Variants in ENTREP2 observed in about 807,000 individuals in gnomAD.
The protein encoded by ENTREP2 is protein ENTREP2.
chr15:29,429,799 C>T, the ENTREP2 span, among the ~76,000 whole-genome samples: 4 of 152,316 alleles, frequency 2.6e-5, no homozygotes, highest in Admixed American at 6.5e-5. Flanking sequence ...GTGCAATGCC[C>T]GATCCGGGCC....
At chr15:29,357,700 G>C in the ENTREP2 span, among the ~76,000 whole-genome samples, 3 of 152,038 alleles carry the variant, frequency 2.0e-5, no homozygotes, top group Admixed American at 6.6e-5. Context: ...TTAGCCGGGC[G>C]TGGTGGCGGG....
At chr15:29,597,424 C>T in the ENTREP2 span, among the ~76,000 whole-genome samples, 1 of 151,868 alleles carries the variant, frequency 6.6e-6, no homozygotes, top group East Asian at 1.9e-4. Context: ...CAAAATTAGC[C>T]AGGCCTGGTA....
the ENTREP2 span, among the ~76,000 whole-genome samples, chr15:29,292,905 T>C: frequency 6.6e-6 from 1 of 152,196 alleles, no homozygotes; most frequent in African/African-American, 2.4e-5. Flanking sequence ...GCAGGCCAAA[T>C]ACATTTGCCA....
the ENTREP2 span, among the ~76,000 whole-genome samples, chr15:29,125,452 T>C: frequency 3.3e-5 from 5 of 152,124 alleles, no homozygotes; most frequent in African/African-American, 1.2e-4. Context: ...AACTGGCCAC[T>C]GCGGGCTCTG....
At chr15:29,299,513 T>A in the ENTREP2 span, among the ~76,000 whole-genome samples, 2 of 152,128 alleles carry the variant, frequency 1.3e-5, no homozygotes, top group Admixed American at 1.3e-4. Flanking sequence ...TTACTTGCTC[T>A]TCCTTCTGTC....
chr15:29,669,130 C>T, the ENTREP2 span, among the ~76,000 whole-genome samples: 65 of 152,254 alleles, frequency 4.3e-4, no homozygotes, highest in Admixed American at 2.2e-3. Context: ...TGATTGAACC[C>T]GTGAGATGGA....
chr15:29,263,939 G>A, the ENTREP2 span, among the ~76,000 whole-genome samples: 4 of 152,014 alleles, frequency 2.6e-5, no homozygotes, highest in Non-Finnish European at 4.4e-5. Context: ...TGGATCACGA[G>A]GTCAGGAGAT....
At chr15:29,376,551 AACACACACACACACACAC>A in the ENTREP2 span, 2 of 147,192 alleles carry the variant, frequency 1.4e-5, no homozygotes, top group African/African-American at 2.5e-5. Flanking sequence ...CACTATGGTA[AACACACACACACACACAC>A]ACACACACAC....
the ENTREP2 span, among the ~76,000 whole-genome samples, chr15:29,340,249 A>G: frequency 6.6e-6 from 1 of 152,250 alleles, no homozygotes; most frequent in East Asian, 1.9e-4. Flanking sequence ...TTGTAGTGGC[A>G]TGAAGAAATG....
chr15:29,252,443 T>C, the ENTREP2 span: 1 of 1,550,944 alleles, frequency 6.4e-7, no homozygotes, highest in African/African-American at 1.4e-5. Context: ...AATTCAGCAT[T>C]ACACACACTG....
At chr15:29,375,537 C>G in the ENTREP2 span, 1 of 152,324 alleles carries the variant, frequency 6.6e-6, no homozygotes, top group East Asian at 1.9e-4. Context: ...GTGCTGTGGC[C>G]TAGAAACCTT....
the ENTREP2 span, among the ~76,000 whole-genome samples, chr15:29,618,773 C>A: frequency 6.6e-6 from 1 of 152,220 alleles, no homozygotes; most frequent in African/African-American, 2.4e-5. Flanking sequence ...GGTCACATGG[C>A]CCTCCCACCC....
chr15:29,554,772 GT>G, the ENTREP2 span, among the ~76,000 whole-genome samples: 68,501 of 151,624 alleles, frequency 0.45, 16,686 homozygotes, highest in African/African-American at 0.66. Context: ...CTGCTGTGGG[GT>G]TTTGCAAACG....
the ENTREP2 span, among the ~76,000 whole-genome samples, chr15:29,284,411 G>C: frequency 6.6e-6 from 1 of 151,948 alleles, no homozygotes; most frequent in African/African-American, 2.4e-5. Context: ...ACAAAAATTA[G>C]TGAGGTGTGG....
At chr15:29,291,090 T>G in the ENTREP2 span, among the ~76,000 whole-genome samples, 2 of 152,076 alleles carry the variant, frequency 1.3e-5, no homozygotes, top group East Asian at 3.9e-4. Flanking sequence ...CCCCCATCCC[T>G]TTCTTCCCCC....
the ENTREP2 span, among the ~76,000 whole-genome samples, chr15:29,160,614 C>T: frequency 6.8e-6 from 1 of 146,504 alleles, no homozygotes; most frequent in African/African-American, 2.6e-5. Context: ...GAGGCTGAGG[C>T]AGGAGAATCA....
chr15:29,353,153 T>A, the ENTREP2 span, among the ~76,000 whole-genome samples: 3 of 152,178 alleles, frequency 2.0e-5, no homozygotes, highest in African/African-American at 7.2e-5. Context: ...TTTTTTAATG[T>A]TTAAAAATAT....
At chr15:29,469,288 C>T in the ENTREP2 span, among the ~76,000 whole-genome samples, 2 of 152,220 alleles carry the variant, frequency 1.3e-5, no homozygotes, top group African/African-American at 2.4e-5. Flanking sequence ...CAAGCTCCGC[C>T]TCTTGGGTTC....
the ENTREP2 span, among the ~76,000 whole-genome samples, chr15:29,228,151 T>C: frequency 6.6e-6 from 1 of 151,998 alleles, no homozygotes; most frequent in Admixed American, 6.5e-5. Context: ...AAACCCCGTC[T>C]CTACTAAAAA....
Sources: allele counts gnomAD v4.1 joint callset (sites outside exome capture counted in the v4.1 genomes callset), GRCh38; gene constraint gnomAD v4.1.1; transcripts MANE v1.5; gene names NCBI Gene and HGNC (gene_info 2026-07-23, HGNC 2026-07-21).